DRC11: variants seen among roughly 807,000 people sequenced by gnomAD.
DRC11 encodes the protein dynein regulatory complex subunit 11, also known as IQ and AAA domain-containing protein 1.
the DRC11 span, among the ~76,000 whole-genome samples, chr2:236,486,419 T>C: frequency 6.6e-6 from 1 of 151,802 alleles, no homozygotes; most frequent in Non-Finnish European, 1.5e-5. The surrounding 1 kb of genome is among the most constrained non-coding windows in gnomAD (Gnocchi z 5.7). Context: ...TATGTGACAA[T>C]AGATAACTAA....
chr2:236,356,702 G>A, the DRC11 span, among the ~76,000 whole-genome samples: 2 of 151,778 alleles, frequency 1.3e-5, no homozygotes, highest in African/African-American at 2.4e-5. Flanking sequence ...TGACTCCAGG[G>A]CGGAGGTCAG....
At chr2:236,350,151 C>T in the DRC11 span, among the ~76,000 whole-genome samples, 2 of 152,228 alleles carry the variant, frequency 1.3e-5, no homozygotes, top group African/African-American at 2.4e-5. The surrounding 1 kb of genome is among the most constrained non-coding windows in gnomAD (Gnocchi z 5.2). Context: ...GACCCACAAT[C>T]TTGTTTCCAG....
At chr2:236,337,546 G>A in the DRC11 span, among the ~76,000 whole-genome samples, 6 of 152,180 alleles carry the variant, frequency 3.9e-5, no homozygotes, top group Non-Finnish European at 7.3e-5. This position sits in a 1 kb window ranked among gnomAD's most constrained non-coding sequence, Gnocchi z 4.9. Context: ...GAAGGTGACC[G>A]ACTTGTCAGG....
the DRC11 span, among the ~76,000 whole-genome samples, chr2:236,417,513 C>T: frequency 6.6e-6 from 1 of 151,946 alleles, no homozygotes; most frequent in Non-Finnish European, 1.5e-5. Context: ...TCTATCAATC[C>T]ACTCTGAAGA....
the DRC11 span, among the ~76,000 whole-genome samples, chr2:236,401,597 G>C: frequency 6.6e-6 from 1 of 152,196 alleles, no homozygotes; most frequent in Non-Finnish European, 1.5e-5. This position sits in a 1 kb window ranked among gnomAD's most constrained non-coding sequence, Gnocchi z 4.6. Context: ...CCACAGAAAG[G>C]AGCGAACACA....
the DRC11 span, among the ~76,000 whole-genome samples, chr2:236,498,612 C>T: frequency 6.6e-6 from 1 of 152,114 alleles, no homozygotes; most frequent in African/African-American, 2.4e-5. Context: ...AGGAGTATGA[C>T]CCTCTTGTCC....
the DRC11 span, among the ~76,000 whole-genome samples, chr2:236,483,649 A>G: frequency 2.2e-4 from 33 of 152,306 alleles, no homozygotes; most frequent in African/African-American, 7.7e-4. This position sits in a 1 kb window ranked among gnomAD's most constrained non-coding sequence, Gnocchi z 4.8. Context: ...GGTGAACAAC[A>G]AAGGCTGTGT....
chr2:236,503,790 C>T, the DRC11 span: 31 of 1,212,632 alleles, frequency 2.6e-5, no homozygotes, highest in East Asian at 3.8e-4. This position sits in a 1 kb window ranked among gnomAD's most constrained non-coding sequence, Gnocchi z 4.9. Context: ...CACCATGCCT[C>T]GGCCACGCCA....
the DRC11 span, among the ~76,000 whole-genome samples, chr2:236,471,853 G>A: frequency 6.6e-6 from 1 of 152,234 alleles, no homozygotes; most frequent in Admixed American, 6.5e-5. This position sits in a 1 kb window ranked among gnomAD's most constrained non-coding sequence, Gnocchi z 4.6. Context: ...AGAGCACTTT[G>A]CAATGAGCCC....
chr2:236,476,905 C>A, the DRC11 span, among the ~76,000 whole-genome samples: 1 of 152,230 alleles, frequency 6.6e-6, no homozygotes, highest in East Asian at 1.9e-4. The surrounding 1 kb of genome is among the most constrained non-coding windows in gnomAD (Gnocchi z 4.7). Context: ...CTCCACCGGC[C>A]CTCCACCTCC....
chr2:236,502,351 T>TG, the DRC11 span, among the ~76,000 whole-genome samples: 5 of 150,128 alleles, frequency 3.3e-5, no homozygotes, highest in African/African-American at 1.2e-4. Flanking sequence ...CTGAGGTGGG[T>TG]GGATCATTTG....
At chr2:236,367,235 C>A in the DRC11 span, among the ~76,000 whole-genome samples, 1 of 148,552 alleles carries the variant, frequency 6.7e-6, no homozygotes, top group Non-Finnish European at 1.5e-5. This position sits in a 1 kb window ranked among gnomAD's most constrained non-coding sequence, Gnocchi z 4.8. Context: ...AATTATGTTG[C>A]CCCTCAAATA....
chr2:236,363,917 C>A, the DRC11 span: 1 of 1,614,014 alleles, frequency 6.2e-7, no homozygotes, highest in Non-Finnish European at 8.5e-7. This position sits in a 1 kb window ranked among gnomAD's most constrained non-coding sequence, Gnocchi z 5.6. Flanking sequence ...TTCCCTACCC[C>A]AGACGGCCCG....
the DRC11 span, chr2:236,497,103 G>A: frequency 2.4e-6 from 3 of 1,247,994 alleles, no homozygotes; most frequent in Admixed American, 7.2e-5. This position sits in a 1 kb window ranked among gnomAD's most constrained non-coding sequence, Gnocchi z 5.1. Flanking sequence ...ACAGATATCG[G>A]GTACATATCT....
chr2:236,493,503 T>C, the DRC11 span, among the ~76,000 whole-genome samples: 1 of 152,368 alleles, frequency 6.6e-6, no homozygotes, highest in African/African-American at 2.4e-5. Context: ...TAAACTGCGT[T>C]GATAATCAAC....
At chr2:236,482,967 T>C in the DRC11 span, among the ~76,000 whole-genome samples, 2 of 152,314 alleles carry the variant, frequency 1.3e-5, no homozygotes, top group South Asian at 4.1e-4. This position sits in a 1 kb window ranked among gnomAD's most constrained non-coding sequence, Gnocchi z 4.5. Flanking sequence ...ATAATCACAT[T>C]ATTGGGCAAC....
the DRC11 span, among the ~76,000 whole-genome samples, chr2:236,491,225 ATATATATATATATATACACAG>A: frequency 0.021 from 1,228 of 58,510 alleles, 68 homozygotes; most frequent in Non-Finnish European, 0.033. Flanking sequence ...CACAGTATAT[ATATATATATATATATACACAG>A]TATATATATA....
At chr2:236,338,737 T>C in the DRC11 span, among the ~76,000 whole-genome samples, 1 of 152,204 alleles carries the variant, frequency 6.6e-6, no homozygotes, top group African/African-American at 2.4e-5. Context: ...CCTAAGTTGT[T>C]TGGAAGCTGG....
the DRC11 span, among the ~76,000 whole-genome samples, chr2:236,426,868 T>A: frequency 6.6e-6 from 1 of 152,216 alleles, no homozygotes; most frequent in African/African-American, 2.4e-5. This position sits in a 1 kb window ranked among gnomAD's most constrained non-coding sequence, Gnocchi z 4.1. Flanking sequence ...CTTGTGCAGA[T>A]CTTAGAGGAA....
Sources: gnomAD v4.1 joint callset for allele counts (sites outside exome capture counted in the v4.1 genomes callset) on GRCh38, gnomAD v4.1.1 for gene constraint, Gnocchi (gnomAD v3.1) non-coding constraint, MANE v1.5 for transcripts, NCBI Gene and HGNC (gene_info 2026-07-23, HGNC 2026-07-21) for gene names.